Variants in STIM2 observed in about 807,000 individuals in gnomAD.
The protein encoded by STIM2 is stromal interaction molecule 2.
STIM2 carries 31 observed loss-of-function variants against 85.8 expected under a neutral mutation model. The observed-to-expected ratio is 0.36, with a 90% confidence interval of 0.27 to 0.49. STIM2 has a LOEUF of 0.49. Among genes scored for constraint, STIM2 ranks in the 20% least tolerant of loss-of-function variants. The pLI, the probability that STIM2 is intolerant of heterozygous loss-of-function variation, is 0.98. For synonymous variants in STIM2, 356 were observed against 331.1 expected (o/e 1.08, Z -0.82); for missense variants, 841 against 927.6 (o/e 0.91, Z 1.21).
chr4:26,951,317 C>T (rs181540083), intron 2 of STIM2, among the ~76,000 whole-genome samples: 31 of 152,226 alleles, frequency 2.0e-4, no homozygotes, highest in Admixed American at 1.5e-3. Context: ...AGTTTGTACT[C>T]CCACAGATGT....
intron 1 of STIM2, among the ~76,000 whole-genome samples, chr4:26,918,048 A>G (rs1028408499): frequency 4.6e-5 from 7 of 152,114 alleles, no homozygotes; most frequent in African/African-American, 4.8e-5. Flanking sequence ...ACGTATTTAT[A>G]TATCACACAG....
At chr4:26,903,419 G>A (rs184499782) in intron 1 of STIM2, among the ~76,000 whole-genome samples, 97 of 152,200 alleles carry the variant, frequency 6.4e-4, no homozygotes, top group African/African-American at 2.1e-3. Flanking sequence ...ATACACACGT[G>A]CATACTTGTA....
chr4:26,956,554 C>T (rs567929075), intron 2 of STIM2, among the ~76,000 whole-genome samples: 69 of 151,792 alleles, frequency 4.5e-4, no homozygotes, highest in Admixed American at 5.3e-4. Context: ...AGCAATTCTC[C>T]TGCCTCAGCC....
chr4:27,017,946 G>A lies in STIM2; in HGVS notation c.1725G>A (p.Glu575=), dbSNP rs757612601. The A allele has an allele frequency of 5.6e-6, 9 of 1,614,146 alleles. No homozygotes were observed. Among genetic ancestry groups the A allele is most frequent in the Admixed American group, 1.7e-5 (1 of 60,016 alleles). ...GCCCTGCGCTTTATCGAAATGAAGAGGAGGAAGAGGCCATTTACTTCTCTG... is the reference window on the plus strand; with the variant it reads ...GCCCTGCGCTTTATCGAAATGAAGAAGAGGAAGAGGCCATTTACTTCTCTG... Residue 575 remains glutamate (E), a synonymous_variant, in exon 11 of 12, where the codon GAG becomes GAA. Coordinates refer to ENST00000467087, the MANE Select transcript of STIM2 (RefSeq NM_020860.4).
At chr4:27,019,678 A>T in intron 11 of STIM2, 12 of 344,056 alleles carry the variant, frequency 3.5e-5, no homozygotes, top group African/African-American at 4.7e-5. Flanking sequence ...TTGAATATTT[A>T]CTGATTTTTT....
At chr4:26,909,338 T>C (rs1040881388) in intron 1 of STIM2, among the ~76,000 whole-genome samples, 2 of 152,214 alleles carry the variant, frequency 1.3e-5, no homozygotes, top group Non-Finnish European at 2.9e-5. Flanking sequence ...GGTGCTATTA[T>C]TTCCATTCTA....
rs558175625 is a variant in STIM2, at chr4:26,875,569, CATAT to C, written c.151+14202_151+14205del. 1.6e-3 allele frequency among the ~76,000 whole-genome samples: 243 copies of C among 152,138 alleles called. 2 individuals are homozygous for C. The highest frequency in any genetic ancestry group is 2.5e-3 in the Non-Finnish European group (167 of 67,956). ...TATGTGTCTCAGGCCTCTAATTTAT[CATAT>C]AACAACGTGAGAACACTCTGTAGGA... On this transcript the variant is annotated intron_variant, in intron 1 of 11. Transcript: ENST00000467087.
At chr4:26,943,870 A>G (rs143909415) in intron 2 of STIM2, among the ~76,000 whole-genome samples, 47 of 152,260 alleles carry the variant, frequency 3.1e-4, no homozygotes, top group Admixed American at 2.0e-3. Context: ...GATTCTTAAC[A>G]ATACCAGCAT....
At chr4:26,962,051 T>G (rs1409634254) in intron 3 of STIM2, among the ~76,000 whole-genome samples, 2 of 152,138 alleles carry the variant, frequency 1.3e-5, no homozygotes, top group African/African-American at 4.8e-5. Flanking sequence ...ACACCCAGCC[T>G]CCTTCTTTAG....
intron 2 of STIM2, among the ~76,000 whole-genome samples, chr4:26,955,780 T>TAAAAGA (rs1213772375): frequency 2.4e-5 from 3 of 125,638 alleles, no homozygotes; most frequent in African/African-American, 7.1e-5. Flanking sequence ...TGAGCATATT[T>TAAAAGA]ATCATATGCT....
At chr4:26,893,555 T>C (rs933115322) in intron 1 of STIM2, among the ~76,000 whole-genome samples, 2 of 152,230 alleles carry the variant, frequency 1.3e-5, no homozygotes, top group African/African-American at 4.8e-5. Context: ...CCACTTTTCT[T>C]ATGAAGCTTT....
At chr4:26,940,330 A>G (rs1318640095) in intron 2 of STIM2, among the ~76,000 whole-genome samples, 1 of 152,112 alleles carries the variant, frequency 6.6e-6, no homozygotes, top group Non-Finnish European at 1.5e-5. Context: ...ATTCAGGCCC[A>G]TGGTTTTAAT....
At chr4:27,002,843 G>A (rs546630682) in intron 6 of STIM2, 84 bp from the exon 7 acceptor site, 13 of 1,163,506 alleles carry the variant, frequency 1.1e-5, no homozygotes, top group African/African-American at 6.5e-5. Flanking sequence ...GTATTTAATC[G>A]CTTGACCCAG....
At chr4:26,904,691 T>G (rs1383155467) in intron 1 of STIM2, among the ~76,000 whole-genome samples, 2 of 151,856 alleles carry the variant, frequency 1.3e-5, no homozygotes, top group African/African-American at 4.8e-5. Flanking sequence ...GCGGGAATAT[T>G]TTTAAGATTT....
chr4:26,881,164 T>C (rs923894864), intron 1 of STIM2, among the ~76,000 whole-genome samples: 15 of 152,068 alleles, frequency 9.9e-5, no homozygotes, highest in African/African-American at 3.6e-4. Flanking sequence ...TTAGTGCCCT[T>C]ATAAAAGAGG....
chr4:26,965,911 A>G (rs1050620758), intron 3 of STIM2, among the ~76,000 whole-genome samples: 4 of 152,154 alleles, frequency 2.6e-5, no homozygotes, highest in African/African-American at 9.6e-5. Context: ...TTCTGTAGGA[A>G]CACGTGAAAT....
intron 2 of STIM2, among the ~76,000 whole-genome samples, chr4:26,928,948 G>A (rs529287785): frequency 6.6e-5 from 10 of 152,210 alleles, no homozygotes; most frequent in Non-Finnish European, 1.3e-4. Context: ...AACACAACAT[G>A]CCTTTATATT....
chr4:27,012,371 T>C (rs886727614), intron 10 of STIM2, among the ~76,000 whole-genome samples: 1 of 152,130 alleles, frequency 6.6e-6, no homozygotes, highest in African/African-American at 2.4e-5. Context: ...TATTAATCAA[T>C]TCCATTTATC....
chr4:26,910,419 G>A (rs150854649), intron 1 of STIM2, among the ~76,000 whole-genome samples: 40 of 152,186 alleles, frequency 2.6e-4, no homozygotes, highest in African/African-American at 8.2e-4. Context: ...AGTTACTTGG[G>A]AGGCTGTGGC....
Sources: gnomAD v4.1 joint callset for allele counts (sites outside exome capture counted in the v4.1 genomes callset) on GRCh38, gnomAD v4.1.1 for gene constraint, MANE v1.5 for transcripts, NCBI Gene and HGNC (gene_info 2026-07-23, HGNC 2026-07-21) for gene names.